KCTD16: variants seen among roughly 807,000 people sequenced by gnomAD.
KCTD16 encodes potassium channel tetramerization domain containing 16, also known as BTB/POZ domain-containing protein KCTD16.
A neutral mutation model predicts 33.2 loss-of-function variants in KCTD16; 13 were observed. That is an observed-to-expected ratio of 0.39 (90% CI 0.25 to 0.62). KCTD16 has a LOEUF of 0.62. Among genes scored for constraint, KCTD16 ranks in the 20% least tolerant of loss-of-function variants. The pLI is 0.50. For synonymous variants in KCTD16, 197 were observed against 195.3 expected (o/e 1.01, Z -0.07); for missense variants, 441 against 525.1 (o/e 0.84, Z 1.57).
Position 144,480,628 on chromosome 5 carries a change from G to A in KCTD16, c.*6514G>A, listed in dbSNP as rs1202018742. 2 of 151,836 alleles carry A rather than the reference G, an allele frequency of 1.3e-5. No homozygotes were observed. The highest frequency in any genetic ancestry group is 3.9e-4 in the East Asian group (2 of 5,132). The allele number at this position is 151,836 out of a possible 1,614,324, so 9.4% of individuals were successfully genotyped here. A position where few individuals can be genotyped will look rare whatever the true frequency, so the allele number is the denominator to read the frequency against. On this transcript the variant is annotated 3_prime_UTR_variant, in exon 4 of 4. Transcript: ENST00000512467. ...CATTTAAGGCCGTGGCTCTCAACCA[G>A]GAGTGGTTTTGCATACCAGAGATCT...
chr5:144,221,744 T>C (rs1388288123), intron 3 of KCTD16, among the ~76,000 whole-genome samples: 2 of 152,222 alleles, frequency 1.3e-5, no homozygotes, highest in African/African-American at 2.4e-5. Context: ...CATGTGTCTT[T>C]AGAGTAGGAT....
intron 3 of KCTD16, among the ~76,000 whole-genome samples, chr5:144,259,157 C>T (rs1754932371): frequency 6.8e-6 from 1 of 147,412 alleles, no homozygotes; most frequent in South Asian, 2.1e-4. Context: ...ACTCAGGAGA[C>T]TGAGGCAGGA....
intron 3 of KCTD16, among the ~76,000 whole-genome samples, chr5:144,355,749 A>G (rs1751555931): frequency 6.6e-6 from 1 of 151,952 alleles, no homozygotes; most frequent in East Asian, 1.9e-4. Flanking sequence ...TTTCTTCCAC[A>G]TTTGTTCAAG....
At position 144,335,312 on chromosome 5, in the gene KCTD16, T is replaced by C. The variant is rs532867532; in HGVS notation, c.832+127766T>C. ...AAGAAGAAGACAGAGAAAGACTCTTTAGAAAAATGTGACCCACACCCAAAG... is the reference window on the plus strand; with the variant it reads ...AAGAAGAAGACAGAGAAAGACTCTTCAGAAAAATGTGACCCACACCCAAAG... On this transcript the variant is annotated intron_variant, in intron 3 of 3. Coordinates refer to ENST00000512467, the MANE Select transcript of KCTD16 (RefSeq NM_020768.4). 2.0e-5 allele frequency among the ~76,000 whole-genome samples: 3 copies of C among 152,256 alleles called. No individual in the cohort carries two copies. The East Asian group carries it at 5.8e-4, about 29-fold the overall frequency.
intron 3 of KCTD16, among the ~76,000 whole-genome samples, chr5:144,220,910 C>T (rs910812394): frequency 1.3e-4 from 19 of 149,642 alleles, no homozygotes; most frequent in African/African-American, 4.5e-4. Flanking sequence ...CACTGCACTC[C>T]AGCCTGGGCG....
In KCTD16 at chr5:144,188,686, A is replaced by G. The variant is rs74695619; in HGVS notation, c.-327+14214A>G. Among the ~76,000 whole-genome samples, 645 of 152,352 alleles carry G rather than the reference A, an allele frequency of 4.2e-3. 26 individuals are homozygous for G. The East Asian group carries it at 0.097, about 23-fold the overall frequency. On this transcript the variant is annotated intron_variant, in intron 2 of 3. Transcript: ENST00000512467. ...TGTGCCTAAGGTGATCCAAATATAC[A>G]TGAAGAGAAATGTATCAACAGATAA...
chr5:144,266,273 G>A (rs2126843005), intron 3 of KCTD16, among the ~76,000 whole-genome samples: 1 of 152,198 alleles, frequency 6.6e-6, no homozygotes, highest in East Asian at 1.9e-4. Context: ...GCACCTGGGG[G>A]AAATAAAAAA....
At chr5:144,446,660 G>C (rs1753823774) in intron 3 of KCTD16, among the ~76,000 whole-genome samples, 1 of 152,044 alleles carries the variant, frequency 6.6e-6, no homozygotes, top group East Asian at 1.9e-4. Context: ...CTATCCATCT[G>C]ACAAAGGGCT....
intron 3 of KCTD16, among the ~76,000 whole-genome samples, chr5:144,457,905 C>A (rs1754103942): frequency 6.6e-6 from 1 of 152,168 alleles, no homozygotes. Flanking sequence ...CTGGTGCATA[C>A]AACTGCCCAT....
intron 3 of KCTD16, among the ~76,000 whole-genome samples, chr5:144,225,307 A>G (rs1395927223): frequency 6.6e-6 from 1 of 152,168 alleles, no homozygotes; most frequent in Non-Finnish European, 1.5e-5. Flanking sequence ...AAGAAATTGA[A>G]CCAGATTGGG....
chr5:144,220,805 G>T (rs569504333), intron 3 of KCTD16, among the ~76,000 whole-genome samples: 1 of 152,232 alleles, frequency 6.6e-6, no homozygotes, highest in East Asian at 1.9e-4. Context: ...GCCGGGCGTG[G>T]TGGCGGGCAC....
intron 3 of KCTD16, among the ~76,000 whole-genome samples, chr5:144,211,677 C>T (rs1178277666): frequency 6.6e-6 from 1 of 152,072 alleles, no homozygotes; most frequent in Non-Finnish European, 1.5e-5. Context: ...CCAGTTCAGG[C>T]ATTTTGAGTA....
Position 144,477,222 on chromosome 5 carries a change from C to A in KCTD16, c.*3108C>A, listed in dbSNP as rs546989394. 6.6e-6 allele frequency: 1 copy of A among 152,060 alleles called. No individual in the cohort carries two copies. The highest frequency in any genetic ancestry group is 2.1e-4 in the South Asian group (1 of 4,814). The allele number at this position is 152,060 out of a possible 1,614,324, so 9.4% of individuals were successfully genotyped here. On this transcript the variant is annotated 3_prime_UTR_variant, in exon 4 of 4. Coordinates refer to ENST00000512467, the MANE Select transcript of KCTD16 (RefSeq NM_020768.4). ...ATATGGTATTGTGATTTTCTTTCCC[C>A]TGCTAGGAAAAAATTGCACTGAAAT... is the stretch of plus-strand genomic sequence containing the variant.
chr5:144,355,882 C>A (rs1751558768), intron 3 of KCTD16, among the ~76,000 whole-genome samples: 1 of 152,132 alleles, frequency 6.6e-6, no homozygotes, highest in African/African-American at 2.4e-5. Context: ...AAAATCCTAT[C>A]TATTCTTGTA....
intron 3 of KCTD16, among the ~76,000 whole-genome samples, chr5:144,395,338 C>T (rs541659127): frequency 2.0e-5 from 3 of 152,268 alleles, no homozygotes; most frequent in South Asian, 4.1e-4. Flanking sequence ...TTATGTAATG[C>T]AATCAAAATG....
Position 144,271,807 on chromosome 5 carries a change from T to G in KCTD16, c.832+64261T>G, listed in dbSNP as rs532224783. ...CACACACAGAGTTAGAATTAATAAA[T>G]GAACTTAGACAGCAGGATACAAAGT... On this transcript the variant is annotated intron_variant, in intron 3 of 3. Coordinates refer to ENST00000512467, the MANE Select transcript of KCTD16 (RefSeq NM_020768.4). Among the ~76,000 whole-genome samples the G allele has an allele frequency of 5.7e-3, 817 of 142,308 alleles. 2 individuals carry two copies. The highest frequency in any genetic ancestry group is 0.018 in the Middle Eastern group (5 of 278). 93.4% of individuals were successfully genotyped at this position (142,308 alleles called of 152,430 possible).
intron 3 of KCTD16, among the ~76,000 whole-genome samples, chr5:144,372,817 G>T (rs1177600765): frequency 6.6e-6 from 1 of 152,206 alleles, no homozygotes; most frequent in Non-Finnish European, 1.5e-5. Flanking sequence ...TACCATGGCA[G>T]GCCCTTTGGA....
chr5:144,246,697 G>A (rs188609486), intron 3 of KCTD16, among the ~76,000 whole-genome samples: 1 of 152,156 alleles, frequency 6.6e-6, no homozygotes, highest in East Asian at 1.9e-4. Context: ...CATTGACAAG[G>A]TACCATAATC....
At chr5:144,416,096 T>C (rs77229305) in intron 3 of KCTD16, among the ~76,000 whole-genome samples, 12,830 of 152,228 alleles carry the variant, frequency 0.084, 744 homozygotes, top group Non-Finnish European at 0.12. Flanking sequence ...ATTCTCACAA[T>C]AACTCTACAA....
Sources: gnomAD v4.1 joint callset for allele counts (sites outside exome capture counted in the v4.1 genomes callset) on GRCh38, gnomAD v4.1.1 for gene constraint, MANE v1.5 for transcripts, NCBI Gene and HGNC (gene_info 2026-07-23, HGNC 2026-07-21) for gene names.